The following PIP5K1B variants were observed in gnomAD, a reference collection of about 807,000 sequenced individuals.
PIP5K1B encodes the protein phosphatidylinositol 4-phosphate 5-kinase type-1 beta.
In PIP5K1B, 42 loss-of-function variants were observed where a neutral mutation model predicts 67.0. The ratio of observed to expected loss-of-function variants is 0.63; its 90% confidence interval spans 0.49 to 0.81. The LOEUF is 0.81. PIP5K1B is among the 30% of genes least tolerant of loss of function. The pLI is 0.00. For missense variants in PIP5K1B, 459 were observed against 646.3 expected (o/e 0.71, Z 3.14); for synonymous variants, 214 against 231.4 (o/e 0.92, Z 0.68).
intron 4 of PIP5K1B, among the ~76,000 whole-genome samples, chr9:68,863,269 C>T (rs1435745711): frequency 6.6e-6 from 1 of 152,136 alleles, no homozygotes; most frequent in Non-Finnish European, 1.5e-5. Flanking sequence ...ATGTATGTAG[C>T]ACTACATTAG....
chr9:68,972,295 G>A (rs915400515), intron 14 of PIP5K1B, among the ~76,000 whole-genome samples: 1 of 152,172 alleles, frequency 6.6e-6, no homozygotes, highest in East Asian at 1.9e-4. Flanking sequence ...TCAGATGGTT[G>A]TAGATGTGTG....
intron 4 of PIP5K1B, among the ~76,000 whole-genome samples, chr9:68,833,220 G>A (rs1264483545): frequency 6.6e-6 from 1 of 152,252 alleles, no homozygotes; most frequent in Non-Finnish European, 1.5e-5. Context: ...CAAAGGTACT[G>A]CTGCCTTTTA....
chr9:68,991,089 T>C (rs370034076), intron 14 of PIP5K1B, 51 bp from the exon 15 acceptor site: 77 of 1,046,022 alleles, frequency 7.4e-5, no homozygotes, highest in Non-Finnish European at 1.1e-4. Context: ...GAGGTGTCTT[T>C]AGATTTTGTT....
chr9:68,760,779 T>C (rs2132387470), intron 2 of PIP5K1B, among the ~76,000 whole-genome samples: 1 of 152,154 alleles, frequency 6.6e-6, no homozygotes, highest in East Asian at 1.9e-4. Flanking sequence ...AGCTCACAAA[T>C]ATGCTAAAAA....
At chr9:68,840,202 C>A (rs929557421) in intron 4 of PIP5K1B, among the ~76,000 whole-genome samples, 1 of 152,040 alleles carries the variant, frequency 6.6e-6, no homozygotes, top group Non-Finnish European at 1.5e-5. Context: ...CATGGTGAAA[C>A]CCCGTCTCTA....
At chr9:69,000,550 G>A (rs1830777855) in intron 15 of PIP5K1B, among the ~76,000 whole-genome samples, 1 of 152,146 alleles carries the variant, frequency 6.6e-6, no homozygotes, top group Non-Finnish European at 1.5e-5. Context: ...TGTGAGGCAA[G>A]GATCTGTTCT....
At chr9:68,822,547 C>A in intron 3 of PIP5K1B, 68 bp from the exon 4 acceptor site, 1 of 1,108,904 alleles carries the variant, frequency 9.0e-7, no homozygotes. Flanking sequence ...CTTTGGTTAG[C>A]AATATTATTA....
At chr9:68,795,726 G>A (rs1832253938) in intron 2 of PIP5K1B, among the ~76,000 whole-genome samples, 1 of 152,190 alleles carries the variant, frequency 6.6e-6, no homozygotes, top group Non-Finnish European at 1.5e-5. Flanking sequence ...TAGGAAGTCA[G>A]TGAGCTTTCC....
At chr9:68,823,155 C>A (rs920710689) in intron 4 of PIP5K1B, among the ~76,000 whole-genome samples, 2 of 152,166 alleles carry the variant, frequency 1.3e-5, no homozygotes, top group African/African-American at 4.8e-5. Context: ...AATTAATATT[C>A]TTTATCTAAA....
intron 2 of PIP5K1B, among the ~76,000 whole-genome samples, chr9:68,796,949 C>T (rs951267285): frequency 6.6e-6 from 1 of 152,072 alleles, no homozygotes; most frequent in African/African-American, 2.4e-5. Flanking sequence ...ATTTTATGCA[C>T]CTAAAAATGA....
At chr9:68,969,302 G>A (rs1161372463) in intron 14 of PIP5K1B, among the ~76,000 whole-genome samples, 12 of 150,888 alleles carry the variant, frequency 8.0e-5, no homozygotes, top group African/African-American at 2.7e-4. Flanking sequence ...CAGGAGCCGG[G>A]GCTTGCAGTG....
At chr9:68,792,196 C>G (rs1015039427) in intron 2 of PIP5K1B, among the ~76,000 whole-genome samples, 1 of 152,052 alleles carries the variant, frequency 6.6e-6, no homozygotes, top group African/African-American at 2.4e-5. Flanking sequence ...TTGCCCCATG[C>G]AAAAATAGGG....
At chr9:68,854,488 T>G (rs908383190) in intron 4 of PIP5K1B, among the ~76,000 whole-genome samples, 2 of 152,174 alleles carry the variant, frequency 1.3e-5, no homozygotes, top group African/African-American at 4.8e-5. Context: ...TATTTCATGC[T>G]GGGGCAGAAG....
chr9:68,801,886 T>C (rs1038904493), intron 2 of PIP5K1B, among the ~76,000 whole-genome samples: 7 of 152,216 alleles, frequency 4.6e-5, no homozygotes, highest in Admixed American at 4.6e-4. Flanking sequence ...ATTTCGGCCC[T>C]TGTGCCAGTC....
At chr9:68,973,067 G>A (rs1829468711) in intron 14 of PIP5K1B, among the ~76,000 whole-genome samples, 1 of 152,214 alleles carries the variant, frequency 6.6e-6, no homozygotes, top group South Asian at 2.1e-4. Context: ...AACAAGCTCA[G>A]AAAGATAAAG....
chr9:68,773,842 T>C (rs1830780883), intron 2 of PIP5K1B, among the ~76,000 whole-genome samples: 2 of 152,168 alleles, frequency 1.3e-5, no homozygotes, highest in African/African-American at 4.8e-5. Context: ...CAATGATTAT[T>C]TGCAAATTGA....
rs1212236192 is a variant in PIP5K1B, at chr9:68,780,355, C to T, written c.-86+37698C>T. Reference sequence around the variant, plus strand: ...CCGAGCGCCAGGCGGAACAGCACAACGTTCCCGAGCCGCCACGGCCTGCTG... The same window carrying T: ...CCGAGCGCCAGGCGGAACAGCACAATGTTCCCGAGCCGCCACGGCCTGCTG... On this transcript the variant is annotated intron_variant, in intron 2 of 15. Transcript: ENST00000265382. 7 of 1,611,856 alleles carry T rather than the reference C, an allele frequency of 4.3e-6. No homozygotes were observed. In the Admixed American group the frequency reaches 5.0e-5, roughly 12 times the overall value.
At chr9:68,913,417 GCTCACACATGTT>G in intron 8 of PIP5K1B, among the ~76,000 whole-genome samples, 1 of 152,152 alleles carries the variant, frequency 6.6e-6, no homozygotes, top group Non-Finnish European at 1.5e-5. Context: ...AACTCTTAAA[GCTCACACATGTT>G]AAGTTGTTGG....
intron 14 of PIP5K1B, chr9:68,941,069 TA>T (rs758007467): frequency 1.9e-6 from 1 of 521,940 alleles, no homozygotes; most frequent in South Asian, 1.5e-5. Flanking sequence ...TTTATTTTAG[TA>T]AATTTTTTAG....
Sources: allele counts gnomAD v4.1 joint callset (sites outside exome capture counted in the v4.1 genomes callset), GRCh38; gene constraint gnomAD v4.1.1; transcripts MANE v1.5; gene names NCBI Gene and HGNC (gene_info 2026-07-23, HGNC 2026-07-21).